MIGA1: variants seen among roughly 807,000 people sequenced by gnomAD.
MIGA1 encodes the protein mitoguardin 1.
A neutral mutation model predicts 82.0 loss-of-function variants in MIGA1; 58 were observed. That is an observed-to-expected ratio of 0.71 (90% CI 0.57 to 0.88). The LOEUF is 0.88. Among genes scored for constraint, MIGA1 ranks in the 40% least tolerant of loss-of-function variants. MIGA1 has a pLI of 0.00. For missense variants in MIGA1, 751 were observed against 749.1 expected, an observed-to-expected ratio of 1.00 and a Z score of -0.03; for synonymous variants, 249 against 253.6, an observed-to-expected ratio of 0.98 and a Z score of 0.17.
chr1:77,798,582 C>T (rs763381724), intron 2 of MIGA1, among the ~76,000 whole-genome samples: 3 of 152,170 alleles, frequency 2.0e-5, no homozygotes, highest in East Asian at 3.9e-4. Context: ...TTATCTCCCA[C>T]GGGGGCCAAC....
intron 1 of MIGA1, chr1:77,782,955 G>T (rs1681988909): frequency 1.2e-6 from 1 of 820,306 alleles, no homozygotes; most frequent in Non-Finnish European, 1.5e-6. Flanking sequence ...TCTAGAACTC[G>T]CAATTTCCTA....
intron 8 of MIGA1, among the ~76,000 whole-genome samples, chr1:77,850,381 C>T (rs924158851): frequency 6.6e-6 from 1 of 152,130 alleles, no homozygotes; most frequent in African/African-American, 2.4e-5. Flanking sequence ...TCATTGAAGA[C>T]CCAATTTGGA....
At chr1:77,808,698 T>A (rs1447043185) in intron 5 of MIGA1, among the ~76,000 whole-genome samples, 1 of 152,160 alleles carries the variant, frequency 6.6e-6, no homozygotes, top group Non-Finnish European at 1.5e-5. Context: ...TGGAAATGCA[T>A]ACTAAATAAA....
Position 77,783,261 on chromosome 1 carries a change from A to G in MIGA1, c.105A>G (p.Glu35=). The G allele has an allele frequency of 6.3e-7, 1 of 1,592,640 alleles. No homozygotes were observed. Among genetic ancestry groups the G allele is most frequent in the Non-Finnish European group, 8.6e-7 (1 of 1,165,402 alleles). ...AGATTAGAAGAGGAGCCATGTCAGA[A>G]GAAACAGTAAGTGAATCACAGTTTT... Residue 35 remains glutamate (E), a synonymous_variant, in exon 2 of 16, where the codon GAA becomes GAG. Coordinates refer to ENST00000370791, the MANE Select transcript of MIGA1 (RefSeq NM_198549.4).
intron 2 of MIGA1, among the ~76,000 whole-genome samples, chr1:77,790,527 A>G (rs1255807523): frequency 1.3e-5 from 2 of 151,226 alleles, no homozygotes; most frequent in African/African-American, 4.9e-5. Context: ...CGGCCTCCCA[A>G]AGTGCTGGGA....
intron 7 of MIGA1, among the ~76,000 whole-genome samples, chr1:77,821,702 T>G (rs1683816855): frequency 6.6e-6 from 1 of 152,124 alleles, no homozygotes; most frequent in Non-Finnish European, 1.5e-5. Context: ...CCAAATAGTT[T>G]TAGATTTTGA....
chr1:77,861,446 T>C (rs893112290), intron 12 of MIGA1, 124 bp downstream of exon 12: 5 of 654,444 alleles, frequency 7.6e-6, no homozygotes, highest in Non-Finnish European at 1.3e-5. Context: ...TGGGACATCT[T>C]TTTTTCTGAC....
intron 7 of MIGA1, among the ~76,000 whole-genome samples, chr1:77,824,982 T>G (rs935796292): frequency 3.3e-5 from 4 of 119,554 alleles, no homozygotes; most frequent in South Asian, 5.7e-4. Context: ...GTTCTATTCC[T>G]CTTTTTTTTT....
At chr1:77,818,177 G>A (rs1222809337) in intron 7 of MIGA1, among the ~76,000 whole-genome samples, 3 of 150,700 alleles carry the variant, frequency 2.0e-5, no homozygotes, top group Non-Finnish European at 1.5e-5. Flanking sequence ...AGGCTGGAGA[G>A]CAATGGCATG....
Position 77,807,086 on chromosome 1 carries a change from AACTTAT to A in MIGA1, c.628_633del (p.Tyr210_Leu211del), listed in dbSNP as rs746073640. 3 of 1,588,438 alleles carry A rather than the reference AACTTAT, an allele frequency of 1.9e-6. No homozygotes were observed. The highest frequency in any genetic ancestry group is 2.6e-6 in the Non-Finnish European group (3 of 1,160,136). ...TAATATTCCTGTGACTACTCCAGAG[AACTTAT>A]ACTTAATGGGTAGGAATGAGATGAT... On this transcript the variant is annotated inframe_deletion, in exon 5 of 16. Coordinates refer to ENST00000370791, the MANE Select transcript of MIGA1 (RefSeq NM_198549.4).
chr1:77,828,472 A>C (rs954120770), intron 7 of MIGA1, among the ~76,000 whole-genome samples: 12 of 152,234 alleles, frequency 7.9e-5, no homozygotes, highest in Non-Finnish European at 8.8e-5. Context: ...GATGGGTATC[A>C]TTAAGGTTTT....
intron 4 of MIGA1, among the ~76,000 whole-genome samples, chr1:77,804,622 AT>A (rs112712682): frequency 0.01 from 1,486 of 143,710 alleles, 17 homozygotes; most frequent in African/African-American, 0.028. Flanking sequence ...AACATTAACA[AT>A]TTTTTTTTTT....
In MIGA1 at chr1:77,816,445, A is replaced by G. The variant is rs550661097; in HGVS notation, c.895+1214A>G. ...GCTAAGGAGTTTTAACTTTTTCCAC[A>G]TTAGTACTGAAAGCAGCTGAACTTT... On this transcript the variant is annotated intron_variant, in intron 7 of 15. Transcript: ENST00000370791. Among the ~76,000 whole-genome samples the G allele has an allele frequency of 6.6e-5, 10 of 152,352 alleles. No homozygotes were observed. In the South Asian group the frequency reaches 1.9e-3, roughly 28 times the overall value.
intron 7 of MIGA1, among the ~76,000 whole-genome samples, chr1:77,838,511 G>T (rs1425962410): frequency 2.0e-5 from 3 of 151,988 alleles, no homozygotes; most frequent in Non-Finnish European, 4.4e-5. Flanking sequence ...ATAGTGGTGC[G>T]ATCTCAGCTC....
At chr1:77,840,046 A>G (rs1207906082) in intron 7 of MIGA1, among the ~76,000 whole-genome samples, 1 of 152,212 alleles carries the variant, frequency 6.6e-6, no homozygotes, top group African/African-American at 2.4e-5. Flanking sequence ...AGTTTATGAC[A>G]CTTTTAAGAA....
chr1:77,784,948 A>C (rs1036526188), intron 2 of MIGA1, among the ~76,000 whole-genome samples: 1 of 152,178 alleles, frequency 6.6e-6, no homozygotes. Context: ...ACTTGTCCCC[A>C]TGATTCAGTT....
chr1:77,847,914 A>C, intron 8 of MIGA1: 8 of 1,461,580 alleles, frequency 5.5e-6, no homozygotes, highest in Non-Finnish European at 7.7e-6. Flanking sequence ...TGATGAAATA[A>C]AGAAACTAGA....
chr1:77,860,557 A>G (rs1448169688), intron 11 of MIGA1: 1 of 155,614 alleles, frequency 6.4e-6, no homozygotes, highest in Admixed American at 6.4e-5. Context: ...TCAGACTGTA[A>G]GGAACCACCT....
At chr1:77,832,968 A>C (rs1220087481) in intron 7 of MIGA1, among the ~76,000 whole-genome samples, 1 of 152,248 alleles carries the variant, frequency 6.6e-6, no homozygotes. Context: ...GACTGCACAA[A>C]TTCTCTGGCA....
Sources: gnomAD v4.1 joint callset for allele counts (sites outside exome capture counted in the v4.1 genomes callset) on GRCh38, gnomAD v4.1.1 for gene constraint, MANE v1.5 for transcripts, NCBI Gene and HGNC (gene_info 2026-07-23, HGNC 2026-07-21) for gene names.